GRID1: variants seen among roughly 807,000 people sequenced by gnomAD.
GRID1 encodes the protein glutamate ionotropic receptor delta type subunit 1.
Under a neutral mutation model 98.0 loss-of-function variants are expected in GRID1, and 28 were observed. The ratio of observed to expected loss-of-function variants is 0.29; its 90% CI spans 0.21 to 0.39. The LOEUF (loss-of-function observed/expected upper bound fraction) is 0.39, where lower values mean the gene tolerates loss of function less well. Ranked by LOEUF, GRID1 falls within the 10% of genes least tolerant of loss-of-function variation. The probability of loss-of-function intolerance (pLI) is 1.00; values close to 1 mark genes in which losing one functional copy is unlikely to be tolerated. For missense variants in GRID1, 1,111 were observed against 1,340.5 expected, an observed-to-expected ratio of 0.83 and a Z score of 2.67; for synonymous variants, 553 against 538.5, an observed-to-expected ratio of 1.03 and a Z score of -0.37.
chr10:85,710,287 G>A (rs925004690), intron 12 of GRID1, among the ~76,000 whole-genome samples: 15 of 152,130 alleles, frequency 9.9e-5, no homozygotes. Flanking sequence ...TAGACCAGTG[G>A]AATAGACTAG....
chr10:86,217,307 A>G (rs766534485), intron 2 of GRID1, among the ~76,000 whole-genome samples: 10 of 152,334 alleles, frequency 6.6e-5, no homozygotes, highest in Non-Finnish European at 1.0e-4. Flanking sequence ...TCTATCCCTC[A>G]CCTGTAAATG....
At chr10:86,296,521 T>C (rs1847591396) in intron 2 of GRID1, among the ~76,000 whole-genome samples, 1 of 152,130 alleles carries the variant, frequency 6.6e-6, no homozygotes, top group Non-Finnish European at 1.5e-5. Flanking sequence ...GGCAGATCAC[T>C]TGAGATCAGG....
chr10:86,315,659 C>T (rs557493618), intron 2 of GRID1, among the ~76,000 whole-genome samples: 1 of 152,136 alleles, frequency 6.6e-6, no homozygotes, highest in Non-Finnish European at 1.5e-5. Context: ...TCACCCTCCC[C>T]TTCATCCATC....
chr10:86,055,642 C>T (rs1372924712), intron 4 of GRID1, among the ~76,000 whole-genome samples: 3 of 152,198 alleles, frequency 2.0e-5, no homozygotes, highest in Non-Finnish European at 4.4e-5. Context: ...ACTCAGGAGG[C>T]TGAGACAGGA....
rs893294329 is a variant in GRID1 at position 85,883,492 on chromosome 10, G to GTCTCTCTCTCTCTCTCTGTC, written c.781-14332_781-14313dup. Among the ~76,000 whole-genome samples, 108 of 133,400 alleles carry GTCTCTCTCTCTCTCTCTGTC rather than the reference G, an allele frequency of 8.1e-4. 1 individual carries two copies. Among genetic ancestry groups the GTCTCTCTCTCTCTCTCTGTC allele is most frequent in the Non-Finnish European group, 1.3e-3 (75 of 59,630 alleles). 87.5% of individuals were successfully genotyped at this position (133,400 alleles called of 152,430 possible). The stretch of plus-strand genomic sequence containing the variant: ...CGTTTTCCTTTGTCCTTCTCTCTCT[G>GTCTCTCTCTCTCTCTCTGTC]TCTCTCTCTCTCTCTCTGTCTCTCT... On this transcript the variant is annotated intron_variant, in intron 5 of 15. Transcript: ENST00000327946.
At chr10:85,773,722 C>T (rs1027206690) in intron 8 of GRID1, among the ~76,000 whole-genome samples, 1 of 152,162 alleles carries the variant, frequency 6.6e-6, no homozygotes, top group African/African-American at 2.4e-5. Context: ...CTCTCATTTA[C>T]AATTGCTTCA....
chr10:85,633,648 T>C (rs1392118356), intron 13 of GRID1, among the ~76,000 whole-genome samples: 1 of 152,208 alleles, frequency 6.6e-6, no homozygotes, highest in Non-Finnish European at 1.5e-5. Context: ...CAGGGGCTTA[T>C]GTGGAAGAGC....
chr10:85,928,322 G>C (rs1399500173), intron 4 of GRID1, among the ~76,000 whole-genome samples: 1 of 152,224 alleles, frequency 6.6e-6, no homozygotes, highest in Non-Finnish European at 1.5e-5. Context: ...CATAAAGTTT[G>C]GGAGAGATGA....
intron 4 of GRID1, among the ~76,000 whole-genome samples, chr10:85,975,946 G>A (rs914345409): frequency 9.2e-5 from 14 of 151,850 alleles, no homozygotes; most frequent in Middle Eastern, 3.2e-3. Flanking sequence ...TAGAACTAGC[G>A]TGCCATCTGT....
At chr10:86,046,893 A>C (rs1282982295) in intron 4 of GRID1, among the ~76,000 whole-genome samples, 1 of 150,096 alleles carries the variant, frequency 6.7e-6, no homozygotes, top group East Asian at 2.0e-4. Flanking sequence ...ACAGAGACTC[A>C]GAGAGATCAA....
At chr10:86,247,549 G>A (rs1234051125) in intron 2 of GRID1, among the ~76,000 whole-genome samples, 6 of 152,184 alleles carry the variant, frequency 3.9e-5, no homozygotes, top group African/African-American at 1.4e-4. Flanking sequence ...GCCCCATAAC[G>A]GTGAAAGTTT....
chr10:85,912,488 A>G (rs1841553079), intron 5 of GRID1, among the ~76,000 whole-genome samples: 1 of 151,288 alleles, frequency 6.6e-6, no homozygotes, highest in Non-Finnish European at 1.5e-5. Flanking sequence ...GCAAATAAAA[A>G]CGTGTGCCCT....
At chr10:86,293,409 C>G (rs1847544002) in intron 2 of GRID1, among the ~76,000 whole-genome samples, 1 of 152,140 alleles carries the variant, frequency 6.6e-6, no homozygotes. Context: ...TATCAAAGCC[C>G]CAGAGGAACT....
At chr10:85,825,819 T>C (rs1053308123) in intron 8 of GRID1, among the ~76,000 whole-genome samples, 1 of 151,952 alleles carries the variant, frequency 6.6e-6, no homozygotes, top group African/African-American at 2.4e-5. Context: ...ATGTGTGTAA[T>C]GCACAGAATA....
chr10:86,308,291 C>A (rs544192295), intron 2 of GRID1, among the ~76,000 whole-genome samples: 13 of 152,342 alleles, frequency 8.5e-5, no homozygotes, highest in African/African-American at 3.1e-4. Flanking sequence ...TACCTCCAGA[C>A]CTGAACTAGG....
intron 3 of GRID1, among the ~76,000 whole-genome samples, chr10:86,150,286 TCTTCAATG>T (rs1349534423): frequency 6.6e-6 from 1 of 152,220 alleles, no homozygotes; most frequent in Non-Finnish European, 1.5e-5. Context: ...GCTGCTGGAT[TCTTCAATG>T]CTTCATTTCT....
At chr10:86,251,895 C>T (rs547626341) in intron 2 of GRID1, among the ~76,000 whole-genome samples, 1 of 152,346 alleles carries the variant, frequency 6.6e-6, no homozygotes, top group East Asian at 1.9e-4. Context: ...CCTGTGAGCA[C>T]AAACCTCCCC....
rs776530562 is a variant in GRID1 at position 86,206,629 on chromosome 10, C to T, written c.255G>A (p.Gln85=). ...AVQEACDLMT[Q]GILALVTSTG... ...TGGACGTGACCAAGGCCAAAATCCC[C>T]TGGGTCATGAGGTCACAGGCTAGAA... The change falls in exon 3 of 16, where the codon CAG becomes CAA. Residue 85 remains glutamine, a synonymous_variant. Transcript: ENST00000327946. The surrounding 1 kb of genome is among the most constrained non-coding windows in gnomAD (Gnocchi z 4.1). 3 of 1,613,724 alleles carry T rather than the reference C, an allele frequency of 1.9e-6. No individual in the cohort carries two copies. The highest frequency in any genetic ancestry group is 2.2e-5 in the South Asian group (2 of 91,070).
chr10:85,827,867 G>A lies in GRID1; in HGVS notation c.1233+26629C>T, dbSNP rs1333925787. Among the ~76,000 whole-genome samples, 12 of 152,140 alleles carry A rather than the reference G, an allele frequency of 7.9e-5. No individual in the cohort carries two copies. The South Asian group carries it at 2.3e-3, about 29-fold the overall frequency. ...GATCAACAGCCCACTTATAGTATTC[G>A]ACAGATCGTCAAGGCAGAAAACTAA... On this transcript the variant is annotated intron_variant, in intron 8 of 15. Coordinates refer to ENST00000327946, the MANE Select transcript of GRID1 (RefSeq NM_017551.3).
Sources: gnomAD v4.1 joint callset for allele counts (sites outside exome capture counted in the v4.1 genomes callset) on GRCh38, gnomAD v4.1.1 for gene constraint, Gnocchi (gnomAD v3.1) non-coding constraint, MANE v1.5 for transcripts, NCBI Gene and HGNC (gene_info 2026-07-23, HGNC 2026-07-21) for gene names.